Variants in HARS1 observed in about 807,000 individuals in gnomAD.
The protein encoded by HARS1 is histidyl-tRNA synthetase 1.
In HARS1, 45 loss-of-function variants were observed where a neutral mutation model predicts 63.6. The observed-to-expected ratio is 0.71, with a 90% confidence interval of 0.56 to 0.91. The LOEUF is 0.91. HARS1 is among the 40% of genes least tolerant of loss of function. HARS1 has a pLI of 0.00. For missense variants in HARS1, 508 were observed against 643.2 expected, an observed-to-expected ratio of 0.79 and a Z score of 2.27; for synonymous variants, 205 against 247.1, an observed-to-expected ratio of 0.83 and a Z score of 1.60.
Position 140,679,132 on chromosome 5 carries a change from T to C in HARS1, c.397-5A>G. 1 of 1,613,870 alleles carries C rather than the reference T, an allele frequency of 6.2e-7. No individual in the cohort carries two copies. The highest frequency in any genetic ancestry group is 8.5e-7 in the Non-Finnish European group (1 of 1,179,810). ...CAAATACCGAGCAAAAGGAACCTGA[T>C]GACAAAGAGTTAAGGAGAAAGCCCC... On this transcript the variant is annotated splice_polypyrimidine_tract_variant and splice_region_variant and intron_variant, in intron 4 of 12. Transcript: ENST00000504156. This position sits in a 1 kb window ranked among gnomAD's most constrained non-coding sequence, Gnocchi z 4.3.
chr5:140,676,420 C>T lies in HARS1; in HGVS notation c.1194+234G>A. On this transcript the variant is annotated intron_variant, in intron 10 of 12. Coordinates refer to ENST00000504156, the MANE Select transcript of HARS1 (RefSeq NM_002109.6). The surrounding 1 kb of genome is among the most constrained non-coding windows in gnomAD (Gnocchi z 4.1). ...TACACCAGCCCAGGTTTGTGACAGCCCTGAAGGAAGTAGAGACCCAGAGCA... is the reference window on the plus strand; with the variant it reads ...TACACCAGCCCAGGTTTGTGACAGCTCTGAAGGAAGTAGAGACCCAGAGCA... The T allele has an allele frequency of 1.9e-6, 1 of 537,042 alleles. No homozygotes were observed. The highest frequency in any genetic ancestry group is 2.4e-5 in the South Asian group (1 of 41,406). The allele number at this position is 537,042 out of a possible 1,614,324, so 33.3% of individuals were successfully genotyped here.
chr5:140,675,846 T>C (rs1489988173), intron 10 of HARS1: 3 of 152,218 alleles, frequency 2.0e-5, no homozygotes, highest in East Asian at 1.9e-4. Flanking sequence ...ACTATTTTCA[T>C]AGTTCTTAGA....
At chr5:140,690,978 C>T in intron 1 of HARS1, 34 bp from the exon 2 acceptor site, 3 of 1,210,128 alleles carry the variant, frequency 2.5e-6, no homozygotes, top group Non-Finnish European at 3.7e-6. Flanking sequence ...AGCTATCCAT[C>T]TGTCACTCTC....
intron 2 of HARS1, among the ~76,000 whole-genome samples, chr5:140,688,659 G>A (rs1418173735): frequency 6.6e-6 from 1 of 151,780 alleles, no homozygotes. Flanking sequence ...CAGCTGATAT[G>A]TCTATTTAAT....
rs1221322023 is a variant in HARS1, at chr5:140,676,403, C to T, written c.1194+251G>A. On this transcript the variant is annotated intron_variant, in intron 10 of 12. Transcript: ENST00000504156. The surrounding 1 kb of genome is among the most constrained non-coding windows in gnomAD (Gnocchi z 4.1). ...AAGATCTAAGTCTTGGATACACCAG[C>T]CCAGGTTTGTGACAGCCCTGAAGGA... 6 of 503,434 alleles carry T rather than the reference C, an allele frequency of 1.2e-5. No homozygotes were observed. Among genetic ancestry groups the T allele is most frequent in the Non-Finnish European group, 1.8e-5 (5 of 281,396 alleles). The allele number at this position is 503,434 out of a possible 1,614,324, so 31.2% of individuals were successfully genotyped here.
At chr5:140,674,571 G>A (rs759149140) in intron 12 of HARS1, 108 bp downstream of exon 12, 121 of 1,247,678 alleles carry the variant, frequency 9.7e-5, no homozygotes, top group Non-Finnish European at 1.3e-4. Context: ...GCTTTTATGA[G>A]TTGTACTAAT....
intron 2 of HARS1, among the ~76,000 whole-genome samples, chr5:140,690,495 C>T (rs1246087316): frequency 1.3e-5 from 2 of 152,192 alleles, no homozygotes; most frequent in Non-Finnish European, 2.9e-5. Flanking sequence ...TTCTAAGTCT[C>T]TCTCCTTCAG....
At chr5:140,682,911 C>A in intron 3 of HARS1, 189 bp downstream of exon 3, 2 of 528,776 alleles carry the variant, frequency 3.8e-6, no homozygotes, top group Non-Finnish European at 6.7e-6. Flanking sequence ...CTGCTGGCCA[C>A]AACCAAGATA....
chr5:140,676,535 T>G lies in HARS1; in HGVS notation c.1194+119A>C, dbSNP rs1758369587. ...ATCTGTGAAAAAGAGCAATAATCTT[T>G]TCTCCATTTCTGTGAGATGCTCCCT... is the stretch of plus-strand genomic sequence containing the variant. On this transcript the variant is annotated intron_variant, in intron 10 of 12. Coordinates refer to ENST00000504156, the MANE Select transcript of HARS1 (RefSeq NM_002109.6). The surrounding 1 kb of genome is among the most constrained non-coding windows in gnomAD (Gnocchi z 4.1). 9.7e-7 allele frequency: 1 copy of G among 1,035,064 alleles called. No homozygotes were observed. The highest frequency in any genetic ancestry group is 1.4e-6 in the Non-Finnish European group (1 of 695,574). The allele number at this position is 1,035,064 out of a possible 1,614,324, so 64.1% of individuals were successfully genotyped here. A position where few individuals can be genotyped will look rare whatever the true frequency, so the allele number is the denominator to read the frequency against.
chr5:140,674,336 G>T lies in HARS1; in HGVS notation c.1459-8C>A. On this transcript the variant is annotated splice_polypyrimidine_tract_variant and splice_region_variant and intron_variant, in intron 12 of 12. Coordinates refer to ENST00000504156, the MANE Select transcript of HARS1 (RefSeq NM_002109.6). Reference sequence around the variant, plus strand: ...TTCTCTTCGGACATCCACCTGGCCAGGATGGGAGAAGAAGGTGGTATAAGC... The same window carrying T: ...TTCTCTTCGGACATCCACCTGGCCATGATGGGAGAAGAAGGTGGTATAAGC... 6.3e-7 allele frequency: 1 copy of T among 1,598,772 alleles called. No individual in the cohort carries two copies. The highest frequency in any genetic ancestry group is 8.6e-7 in the Non-Finnish European group (1 of 1,165,874).
At chr5:140,677,511 G>A (rs1758453779) in intron 7 of HARS1, 91 bp from the exon 8 acceptor site, 2 of 1,145,182 alleles carry the variant, frequency 1.7e-6, no homozygotes, top group Non-Finnish European at 2.7e-6. Flanking sequence ...TTTTAGAGCA[G>A]TAGCTGCCCA....
In HARS1 at chr5:140,676,894, G is replaced by T. The variant is rs1758406223; in HGVS notation, c.954C>A (p.Ile318=). 1.9e-6 allele frequency: 3 copies of T among 1,613,114 alleles called. No homozygotes were observed. The highest frequency in any genetic ancestry group is 2.5e-6 in the Non-Finnish European group (3 of 1,179,178). ...YLTLFGIDDK[I]SFDLSLARGL... is the part of the protein sequence containing the mutation. ...CTCGAGCAAGGCTCAGGTCAAAGGA[G>T]ATCTGTGGAGATAAGAAAATGGTCA... is the stretch of plus-strand genomic sequence containing the variant. Residue 318 remains isoleucine, a splice_region_variant and synonymous_variant, in exon 10 of 13, where the codon ATC becomes ATA. Coordinates refer to ENST00000504156, the MANE Select transcript of HARS1 (RefSeq NM_002109.6). This position sits in a 1 kb window ranked among gnomAD's most constrained non-coding sequence, Gnocchi z 4.1.
At chr5:140,681,888 A>C (rs922723321) in intron 3 of HARS1, among the ~76,000 whole-genome samples, 3 of 152,242 alleles carry the variant, frequency 2.0e-5, no homozygotes, top group African/African-American at 7.2e-5. Context: ...CAGTAGGTAA[A>C]AACAGTCTCA....
intron 5 of HARS1, chr5:140,678,305 C>T (rs560130610): frequency 9.2e-6 from 4 of 435,426 alleles, no homozygotes; most frequent in Non-Finnish European, 1.2e-5. Flanking sequence ...TTTCCCTATT[C>T]ATCCAGAAGC....
rs754073155 is a variant in HARS1 at position 140,675,019 on chromosome 5, T to G, written c.1309A>C (p.Lys437Gln). 4 of 1,604,440 alleles carry G rather than the reference T, an allele frequency of 2.5e-6. No individual in the cohort carries two copies. The part of the protein sequence containing the change: ...LVSELWDAGI[K>Q]AELLYKKNPK... ...ACCCTGGGGCTTGCCTCCCATACCT[T>G]GATCCCAGCATCCCACAGTTCTGAG... The change falls in exon 11 of 13, where the codon AAG becomes CAG. Residue 437 changes from lysine to glutamine, a missense_variant and splice_region_variant. Physicochemically the swap from Lys to Gln is moderately conservative, Grantham distance 53. This residue lies in a region of HARS1 where 403 missense variants were observed against 548.7 expected (regional missense o/e 0.73). Coordinates refer to ENST00000504156, the MANE Select transcript of HARS1 (RefSeq NM_002109.6).
At position 140,675,067 on chromosome 5, in the gene HARS1, G is replaced by C. The variant is rs34790864; in HGVS notation, c.1261C>G (p.Leu421Val). The change falls in exon 11 of 13, where the codon CTA becomes GTA. Residue 421 changes from leucine (L) to valine (V), a missense_variant. Coordinates refer to ENST00000504156, the MANE Select transcript of HARS1 (RefSeq NM_002109.6). Reference protein sequence around the residue: ...VLVASAQKKLLEERLKLVSEL... With the variant: ...VLVASAQKKLVEERLKLVSEL... ...GAGACAAGCTTTAGTCTTTCCTCTA[G>C]CAGCTTCTTCTGTGCAGATGCCACA... The C allele has an allele frequency of 6.2e-4, 996 of 1,613,472 alleles. 5 individuals are homozygous for C. In the African/African-American group the frequency reaches 0.012, roughly 20 times the overall value.
chr5:140,685,719 C>CA (rs60936249), intron 2 of HARS1, among the ~76,000 whole-genome samples: 30,370 of 116,054 alleles, frequency 0.26, 3,397 homozygotes, highest in African/African-American at 0.33. Flanking sequence ...GACTCTGTCT[C>CA]AAAAAAAAAA....
intron 2 of HARS1, among the ~76,000 whole-genome samples, chr5:140,686,225 G>T (rs905677767): frequency 6.7e-6 from 1 of 149,820 alleles, no homozygotes; most frequent in African/African-American, 2.5e-5. Context: ...GAGCCACCTT[G>T]CCTGGCCTGT....
intron 2 of HARS1, 50 bp from the exon 3 acceptor site, chr5:140,683,269 G>C: frequency 6.3e-7 from 1 of 1,586,442 alleles, no homozygotes; most frequent in African/African-American, 1.3e-5. Context: ...TGAAAACCAA[G>C]AACAATATGT....
Sources: gnomAD v4.1 joint callset for allele counts (sites outside exome capture counted in the v4.1 genomes callset) on GRCh38, gnomAD v4.1.1 for gene constraint, gnomAD v4.1.1 regional missense constraint, Gnocchi (gnomAD v3.1) non-coding constraint, MANE v1.5 for transcripts, NCBI Gene and HGNC (gene_info 2026-07-23, HGNC 2026-07-21) for gene names.